The following RYR2 variants were observed in gnomAD, a reference collection of about 807,000 sequenced individuals.
RYR2 encodes cardiac muscle ryanodine receptor-calcium release channel.
Under a neutral mutation model 601.1 loss-of-function variants are expected in RYR2, and 227 were observed. That is an observed-to-expected ratio of 0.38 (90% confidence interval 0.34 to 0.42). The LOEUF (loss-of-function observed/expected upper bound fraction) is 0.42, where lower values mean the gene tolerates loss of function less well. RYR2 is among the 10% of genes least tolerant of loss of function. The pLI is 1.00. For synonymous variants in RYR2, 2,223 were observed against 2,175.1 expected, an observed-to-expected ratio of 1.02 and a Z score of -0.61; for missense variants, 4,646 against 6,156.5, an observed-to-expected ratio of 0.75 and a Z score of 8.21.
intron 25 of RYR2, among the ~76,000 whole-genome samples, chr1:237,546,989 A>ATT (rs142758030): frequency 0.25 from 33,041 of 132,570 alleles, 4,528 homozygotes; most frequent in Middle Eastern, 0.35. Context: ...ATATATATAT[A>ATT]TATATATTTA....
chr1:237,372,947 A>T (rs1309252683), intron 6 of RYR2, among the ~76,000 whole-genome samples: 1 of 152,210 alleles, frequency 6.6e-6, no homozygotes, highest in Non-Finnish European at 1.5e-5. Flanking sequence ...TTAGTAGAAT[A>T]ATCATAGTAT....
chr1:237,650,577 A>G (rs1294256100), intron 50 of RYR2, among the ~76,000 whole-genome samples: 2 of 152,232 alleles, frequency 1.3e-5, no homozygotes, highest in East Asian at 1.9e-4. Context: ...CTGGAAAACC[A>G]TTTCCTATAA....
intron 1 of RYR2, among the ~76,000 whole-genome samples, chr1:237,213,903 T>TTTTTTC (rs1558436904): frequency 4.0e-5 from 6 of 149,366 alleles, no homozygotes; most frequent in East Asian, 2.0e-4. Flanking sequence ...TATTATCTTT[T>TTTTTTC]TTTTTCTTTT....
At chr1:237,456,256 T>C (rs1490746298) in intron 15 of RYR2, among the ~76,000 whole-genome samples, 5 of 152,210 alleles carry the variant, frequency 3.3e-5, no homozygotes, top group Admixed American at 2.6e-4. Flanking sequence ...TACTATATCT[T>C]TAAGAATAAT....
chr1:237,197,061 G>A (rs1261242561), intron 1 of RYR2, among the ~76,000 whole-genome samples: 2 of 151,944 alleles, frequency 1.3e-5, no homozygotes, highest in African/African-American at 4.8e-5. Context: ...TATATGTTCT[G>A]TTTGTTCCTG....
intron 14 of RYR2, among the ~76,000 whole-genome samples, chr1:237,452,117 A>G (rs1417926442): frequency 2.5e-5 from 3 of 122,428 alleles, no homozygotes; most frequent in East Asian, 2.4e-4. Flanking sequence ...ATGTGTGTGT[A>G]TACTTCTAAT....
At chr1:237,581,685 G>A (rs1469691471) in intron 29 of RYR2, among the ~76,000 whole-genome samples, 1 of 152,162 alleles carries the variant, frequency 6.6e-6, no homozygotes, top group Non-Finnish European at 1.5e-5. Context: ...GTGAATTAAG[G>A]TTAGTAGGTC....
intron 1 of RYR2, among the ~76,000 whole-genome samples, chr1:237,128,240 G>A (rs957921299): frequency 4.6e-5 from 7 of 152,208 alleles, no homozygotes; most frequent in African/African-American, 9.7e-5. Flanking sequence ...CAGGCGTGGC[G>A]GCACGAGCCT....
chr1:237,517,864 A>T (rs962695275), intron 24 of RYR2, among the ~76,000 whole-genome samples: 1 of 152,128 alleles, frequency 6.6e-6, no homozygotes, highest in Non-Finnish European at 1.5e-5. Flanking sequence ...CTCAAAAGGT[A>T]TCCAGCGCAT....
intron 3 of RYR2, among the ~76,000 whole-genome samples, chr1:237,336,270 AACAATTTGAGCTCATTAG>A (rs1157051573): frequency 6.6e-6 from 1 of 152,190 alleles, no homozygotes; most frequent in African/African-American, 2.4e-5. Context: ...TTTTCCAAGG[AACAATTTGAGCTCATTAG>A]GCAATTCCTT....
chr1:237,639,215 A>C lies in RYR2; in HGVS notation c.7115+14A>C. On this transcript the variant is annotated intron_variant, in intron 46 of 104. Transcript: ENST00000366574. ...CAGTAAAACACTGTAGGTCTAATAT[A>C]CACACCCTCACGAGTGATCCATACT... The C allele has an allele frequency of 2.5e-6, 4 of 1,598,962 alleles. No individual in the cohort carries two copies. Among genetic ancestry groups the C allele is most frequent in the Non-Finnish European group, 3.4e-6 (4 of 1,170,618 alleles).
At chr1:237,185,621 C>T (rs1418327148) in intron 1 of RYR2, among the ~76,000 whole-genome samples, 2 of 152,090 alleles carry the variant, frequency 1.3e-5, no homozygotes, top group Non-Finnish European at 2.9e-5. Context: ...GGGATACACA[C>T]ACACAGAGGA....
At chr1:237,277,010 C>T (rs1040989432) in intron 2 of RYR2, among the ~76,000 whole-genome samples, 4 of 152,054 alleles carry the variant, frequency 2.6e-5, no homozygotes, top group African/African-American at 7.2e-5. Flanking sequence ...TTTATTGATA[C>T]AGAAATTTTC....
At chr1:237,385,987 A>G (rs1387576806) in intron 8 of RYR2, among the ~76,000 whole-genome samples, 3 of 152,212 alleles carry the variant, frequency 2.0e-5, no homozygotes, top group African/African-American at 4.8e-5. Context: ...TTTGTAAACA[A>G]TTAAACAGTT....
intron 1 of RYR2, among the ~76,000 whole-genome samples, chr1:237,163,111 T>G (rs1676222931): frequency 6.6e-6 from 1 of 152,230 alleles, no homozygotes; most frequent in Non-Finnish European, 1.5e-5. Context: ...TATCTTTTAA[T>G]TTTTGACTTG....
At chr1:237,620,995 C>G (rs1303595627) in intron 38 of RYR2, among the ~76,000 whole-genome samples, 1 of 152,064 alleles carries the variant, frequency 6.6e-6, no homozygotes, top group Non-Finnish European at 1.5e-5. Flanking sequence ...GAAACATTTG[C>G]TAAGATGGAA....
chr1:237,103,634 T>C (rs1026862960), intron 1 of RYR2, among the ~76,000 whole-genome samples: 1 of 152,222 alleles, frequency 6.6e-6, no homozygotes, highest in Non-Finnish European at 1.5e-5. Flanking sequence ...AATGCCATGA[T>C]CTCGGCTCAC....
chr1:237,579,359 C>T (rs539407343), intron 29 of RYR2, among the ~76,000 whole-genome samples: 35 of 148,696 alleles, frequency 2.4e-4, no homozygotes, highest in African/African-American at 7.6e-4. Context: ...TGAGTTCAAG[C>T]GATTCTCCTG....
At chr1:237,508,800 T>G (rs944597265) in intron 23 of RYR2, among the ~76,000 whole-genome samples, 11 of 129,924 alleles carry the variant, frequency 8.5e-5, no homozygotes, top group South Asian at 2.6e-4. Context: ...TGGAGTGCAG[T>G]GGCGGGATCT....
Sources: allele counts gnomAD v4.1 joint callset (sites outside exome capture counted in the v4.1 genomes callset), GRCh38; gene constraint gnomAD v4.1.1; transcripts MANE v1.5; gene names NCBI Gene and HGNC (gene_info 2026-07-23, HGNC 2026-07-21).